OPCML: variants seen among roughly 807,000 people sequenced by gnomAD.
The protein encoded by OPCML is opioid binding protein/cell adhesion molecule like, also known as opioid-binding protein/cell adhesion molecule.
A neutral mutation model predicts 37.8 loss-of-function variants in OPCML; 13 were observed. That is an observed-to-expected ratio of 0.34 (90% CI 0.22 to 0.55). The LOEUF (loss-of-function observed/expected upper bound fraction) is 0.55. OPCML is among the 20% of genes least tolerant of loss of function. The pLI is 0.91. For synonymous variants in OPCML, 176 were observed against 168.8 expected (o/e 1.04, Z -0.33); for missense variants, 341 against 435.6 (o/e 0.78, Z 1.93).
intron 3 of OPCML, among the ~76,000 whole-genome samples, chr11:132,620,578 TACATAGCA>T (rs1337472709): frequency 6.6e-6 from 1 of 152,166 alleles, no homozygotes; most frequent in Non-Finnish European, 1.5e-5. Flanking sequence ...CAACACTGGC[TACATAGCA>T]ACAATGAACA....
intron 1 of OPCML, among the ~76,000 whole-genome samples, chr11:133,414,148 G>C (rs1361466677): frequency 6.6e-6 from 1 of 152,132 alleles, no homozygotes; most frequent in Non-Finnish European, 1.5e-5. Flanking sequence ...CCTTGCTCTG[G>C]GCATGGGCGC....
chr11:133,026,523 T>C (rs992416574), intron 1 of OPCML: 2 of 985,410 alleles, frequency 2.0e-6, no homozygotes, highest in African/African-American at 3.5e-5. Context: ...TTTTCTCTTG[T>C]TTTCCCATCT....
At chr11:132,485,454 A>G (rs1031544467) in intron 4 of OPCML, among the ~76,000 whole-genome samples, 11 of 152,174 alleles carry the variant, frequency 7.2e-5, no homozygotes, top group African/African-American at 2.7e-4. Context: ...GGCAAGCGTG[A>G]ACACTCAAGT....
At chr11:133,207,608 T>A (rs1326463523) in intron 1 of OPCML, among the ~76,000 whole-genome samples, 1 of 152,206 alleles carries the variant, frequency 6.6e-6, no homozygotes, top group Non-Finnish European at 1.5e-5. Flanking sequence ...CAGAACTAGA[T>A]GACTTCTGAG....
intron 2 of OPCML, among the ~76,000 whole-genome samples, chr11:132,669,130 T>G (rs188857688): frequency 2.0e-5 from 3 of 152,264 alleles, no homozygotes; most frequent in Admixed American, 2.0e-4. Context: ...CAGAATTCAG[T>G]TGGCCCACAG....
chr11:132,961,808 C>T (rs1946098939), intron 1 of OPCML, among the ~76,000 whole-genome samples: 1 of 152,218 alleles, frequency 6.6e-6, no homozygotes, highest in Non-Finnish European at 1.5e-5. Flanking sequence ...TTCCATCTCT[C>T]TCTGCATTAG....
intron 7 of OPCML, among the ~76,000 whole-genome samples, chr11:132,427,784 A>T (rs190454868): frequency 6.6e-6 from 1 of 152,338 alleles, no homozygotes; most frequent in East Asian, 1.9e-4. Context: ...TCAGGCTAAT[A>T]GCCAGATGTC....
chr11:132,752,665 GTT>G (rs11295256), intron 2 of OPCML, among the ~76,000 whole-genome samples: 3,351 of 145,134 alleles, frequency 0.023, 54 homozygotes, highest in African/African-American at 0.044. Flanking sequence ...ACTCAATGTT[GTT>G]TTTTTTTTTT....
At chr11:132,745,983 G>A (rs1264959263) in intron 2 of OPCML, among the ~76,000 whole-genome samples, 1 of 152,194 alleles carries the variant, frequency 6.6e-6, no homozygotes, top group African/African-American at 2.4e-5. Context: ...TGGCAGATGA[G>A]GAAGCTCTGT....
chr11:133,314,957 C>A (rs1024711865), intron 1 of OPCML, among the ~76,000 whole-genome samples: 2 of 149,494 alleles, frequency 1.3e-5, no homozygotes, highest in African/African-American at 2.5e-5. Flanking sequence ...CATGATAGGA[C>A]CTTGAAAACC....
At chr11:132,764,890 T>C (rs1565844820) in intron 2 of OPCML, among the ~76,000 whole-genome samples, 1 of 152,248 alleles carries the variant, frequency 6.6e-6, no homozygotes, top group East Asian at 1.9e-4. Context: ...TCTAGCAAGG[T>C]AACCTGTTTC....
chr11:133,375,219 C>A lies in OPCML; in HGVS notation c.61+157045G>T, dbSNP rs115628163. Among the ~76,000 whole-genome samples the A allele has an allele frequency of 3.1e-3, 473 of 152,344 alleles. 6 individuals carry two copies. The highest frequency in any genetic ancestry group is 0.01 in the African/African-American group (428 of 41,586). ...TGTACTACCGTCTCACAACACACAA[C>A]ACTTAGCGAGCACGCATGTCGCGTA... On this transcript the variant is annotated intron_variant, in intron 1 of 7. Coordinates refer to ENST00000524381, the MANE Select transcript of OPCML (RefSeq NM_001012393.5).
intron 1 of OPCML, chr11:133,423,486 C>T: frequency 1.0e-6 from 1 of 985,368 alleles, no homozygotes. Flanking sequence ...CTCCTGGCAA[C>T]AAGCAGTCAT....
chr11:133,404,460 C>A (rs549727412), intron 1 of OPCML, among the ~76,000 whole-genome samples: 1 of 152,312 alleles, frequency 6.6e-6, no homozygotes, highest in Non-Finnish European at 1.5e-5. Context: ...GCCTCCACCT[C>A]ATGTGTTATC....
At chr11:133,531,352 A>G (rs973329512) in intron 1 of OPCML, among the ~76,000 whole-genome samples, 3 of 152,216 alleles carry the variant, frequency 2.0e-5, no homozygotes, top group Non-Finnish European at 2.9e-5. Flanking sequence ...GTTTTCCCCA[A>G]ACAAATAACT....
chr11:132,657,123 G>T lies in OPCML; in HGVS notation c.343C>A (p.His115Asn). ...PYTCSVQTDN[H>N]PKTSRVHLIV... ...AGGTGAACCCGGGACGTTTTGGGAT[G>T]ATTGTCTGTCTGCACAGAGCAGGTG... Residue 115 changes from histidine (H) to asparagine (N), a missense_variant, in exon 3 of 8, where the codon CAT becomes AAT. His to Asn is a moderately conservative substitution (Grantham distance 68). Coordinates refer to ENST00000524381, the MANE Select transcript of OPCML (RefSeq NM_001012393.5). 2 of 1,614,212 alleles carry T rather than the reference G, an allele frequency of 1.2e-6. No homozygotes were observed. Among genetic ancestry groups the T allele is most frequent in the Non-Finnish European group, 1.7e-6 (2 of 1,180,042 alleles).
At chr11:132,755,510 A>C (rs1946007605) in intron 2 of OPCML, among the ~76,000 whole-genome samples, 1 of 152,198 alleles carries the variant, frequency 6.6e-6, no homozygotes, top group Non-Finnish European at 1.5e-5. Flanking sequence ...TCTTACATAA[A>C]AGATGTCTTT....
intron 7 of OPCML, among the ~76,000 whole-genome samples, chr11:132,432,432 AG>A (rs1454662477): frequency 6.6e-6 from 1 of 152,212 alleles, no homozygotes; most frequent in Non-Finnish European, 1.5e-5. Flanking sequence ...TGTGCCTTGT[AG>A]GGACCACAGA....
intron 1 of OPCML, among the ~76,000 whole-genome samples, chr11:133,063,931 G>GT (rs1948395008): frequency 6.6e-6 from 1 of 152,214 alleles, no homozygotes; most frequent in Non-Finnish European, 1.5e-5. Context: ...TTTCATGGGT[G>GT]TTTTTGTGAA....
Sources: gnomAD v4.1 joint callset for allele counts (sites outside exome capture counted in the v4.1 genomes callset) on GRCh38, gnomAD v4.1.1 for gene constraint, MANE v1.5 for transcripts, NCBI Gene and HGNC (gene_info 2026-07-23, HGNC 2026-07-21) for gene names.